The following NOP2 variants were observed in gnomAD, a reference collection of about 807,000 sequenced individuals.
The protein encoded by NOP2 is 28S rRNA (cytosine(4447)-C(5))-methyltransferase.
NOP2 carries 7 observed loss-of-function variants against 72.7 expected under a neutral mutation model. The observed-to-expected ratio is 0.10, with a 90% CI of 0.05 to 0.18. The LOEUF is 0.18. Among genes scored for constraint, NOP2 ranks in the 10% least tolerant of loss-of-function variants. The pLI is 1.00. For synonymous variants in NOP2, 387 were observed against 388.0 expected, an observed-to-expected ratio of 1.00 and a Z score of 0.03; for missense variants, 954 against 1,014.7, an observed-to-expected ratio of 0.94 and a Z score of 0.81.
In NOP2 at chr12:6,566,782, T is replaced by C. The variant is rs1947789623; in HGVS notation, c.144A>G (p.Arg48=). Residue 48 remains arginine (R), a synonymous_variant, in exon 3 of 16, where the codon CGA becomes CGG. Transcript: ENST00000322166. ...ENSKRLSSRA[R]KRAAKRRLGS... is the part of the protein sequence containing the mutation. ...GTTTTGACACCCACACTTACCTCTTTCGAGCACGACTAGACAGCCTCTTGG... is the reference window on the plus strand; with the variant it reads ...GTTTTGACACCCACACTTACCTCTTCCGAGCACGACTAGACAGCCTCTTGG... 1.2e-6 allele frequency: 2 copies of C among 1,613,342 alleles called. No homozygotes were observed. Among genetic ancestry groups the C allele is most frequent in the Non-Finnish European group, 1.7e-6 (2 of 1,179,644 alleles).
chr12:6,564,004 G>A (rs1947715399), intron 5 of NOP2, 58 bp from the exon 6 acceptor site: 2 of 1,581,154 alleles, frequency 1.3e-6, no homozygotes, highest in Non-Finnish European at 1.7e-6. Flanking sequence ...CCTTGTAGCA[G>A]TTCTATCTCT....
chr12:6,568,150 C>A (rs1372192133), intron 1 of NOP2, 57 bp downstream of exon 1: 1 of 563,240 alleles, frequency 1.8e-6, no homozygotes, highest in African/African-American at 1.9e-5. Flanking sequence ...CTTCTCCCCA[C>A]GTCCCAGACC....
In NOP2 at chr12:6,563,161, A is replaced by C; in HGVS notation, c.898T>G (p.Phe300Val). 6.3e-7 allele frequency: 1 copy of C among 1,591,450 alleles called. No individual in the cohort carries two copies. Among genetic ancestry groups the C allele is most frequent in the Non-Finnish European group, 8.6e-7 (1 of 1,169,276 alleles). The change falls in exon 9 of 16, where the codon TTC (phenylalanine) becomes GTC (valine). Residue 300 changes from phenylalanine to valine, a missense_variant. Transcript: ENST00000322166. ...DLFPLSELVE[F>V]LEANEVPRPV... ...CGAGGCACCTCATTAGCTTCTAAGAACTCCACCAGCTGCGGGGCAAGACAG... is the reference window on the plus strand; with the variant it reads ...CGAGGCACCTCATTAGCTTCTAAGACCTCCACCAGCTGCGGGGCAAGACAG...
intron 5 of NOP2, chr12:6,564,275 C>CAAAAA: frequency 8.1e-5 from 6 of 74,224 alleles, no homozygotes; most frequent in Middle Eastern, 9.6e-3. Flanking sequence ...GACTTCATCT[C>CAAAAA]AAAAAAAAAA....
rs756797523 is a variant in NOP2 at position 6,563,099 on chromosome 12, T to C, written c.960A>G (p.Arg320=). Residue 320 remains arginine (R), a synonymous_variant, in exon 9 of 16, where the codon CGA becomes CGG. Coordinates refer to ENST00000322166, the MANE Select transcript of NOP2 (RefSeq NM_001258308.2). ...VTLRTNTLKT[R]RRDLAQALIN... is the part of the protein sequence containing the mutation. The stretch of plus-strand genomic sequence containing the variant: ...CCCTCACCTGTGCAAGGTCTCGGCG[T>C]CGGGTTTTCAAGGTATTGGTCCGGA... 6.3e-6 allele frequency: 10 copies of C among 1,591,618 alleles called. No homozygotes were observed. The highest frequency in any genetic ancestry group is 8.6e-6 in the Non-Finnish European group (10 of 1,169,260).
In NOP2 at chr12:6,561,978, A is replaced by C. The variant is rs1947663803; in HGVS notation, c.979-7T>G. On this transcript the variant is annotated splice_polypyrimidine_tract_variant and splice_region_variant and intron_variant, in intron 9 of 15. Transcript: ENST00000322166. ...CCCCACGATTGATTAGAGCCTGAAA[A>C]GGGATGAAGATTTTTTTTTTTTTTT... 6.4e-7 allele frequency: 1 copy of C among 1,571,244 alleles called. No homozygotes were observed. The highest frequency in any genetic ancestry group is 8.7e-7 in the Non-Finnish European group (1 of 1,149,520).
intron 3 of NOP2, 79 bp from the exon 4 acceptor site, chr12:6,566,696 TG>T (rs1303842036): frequency 3.8e-6 from 6 of 1,591,890 alleles, no homozygotes; most frequent in Non-Finnish European, 3.4e-6. Context: ...CATAGGGAAA[TG>T]TGAGAGTCTA....
At chr12:6,565,065 A>G (rs779942155) in intron 5 of NOP2, among the ~76,000 whole-genome samples, 1 of 152,172 alleles carries the variant, frequency 6.6e-6, no homozygotes, top group African/African-American at 2.4e-5. Flanking sequence ...TAATTGTATA[A>G]TAACTTCCTG....
intron 15 of NOP2, among the ~76,000 whole-genome samples, chr12:6,559,680 T>C (rs1215189211): frequency 6.6e-6 from 1 of 152,200 alleles, no homozygotes; most frequent in Non-Finnish European, 1.5e-5. Flanking sequence ...GAAAACAATC[T>C]GCAATGAGTG....
At position 6,567,831 on chromosome 12, in the gene NOP2, T is replaced by C; in HGVS notation, c.88A>G (p.Arg30Gly). The part of the protein sequence containing the change: ...KQKGAETELV[R>G]FLPAVSDENS... ...TAATCCTTACCTGCAGGCAAGAATC[T>C]GACGAGTTCTGTCTCGGCACCCTTC... is the stretch of plus-strand genomic sequence containing the variant. The change falls in exon 2 of 16, where the codon AGA becomes GGA. Residue 30 changes from arginine (R) to glycine (G), a missense_variant. Arg to Gly is a moderately radical substitution (Grantham distance 125). Coordinates refer to ENST00000322166, the MANE Select transcript of NOP2 (RefSeq NM_001258308.2). The C allele has an allele frequency of 6.2e-7, 1 of 1,613,962 alleles. No individual in the cohort carries two copies. The highest frequency in any genetic ancestry group is 2.2e-5 in the East Asian group (1 of 44,880).
At position 6,561,086 on chromosome 12, in the gene NOP2, T is replaced by TA. The variant is rs773251999; in HGVS notation, c.1208-17dup. On this transcript the variant is annotated splice_polypyrimidine_tract_variant and intron_variant, in intron 11 of 15. Coordinates refer to ENST00000322166, the MANE Select transcript of NOP2 (RefSeq NM_001258308.2). ...ATCAGCTGGGCTAAAGAGAGGGCAG[T>TA]AACAGTGCTGATCAGCCAGTTCCAC... 1.2e-6 allele frequency: 2 copies of TA among 1,613,570 alleles called. No individual in the cohort carries two copies. Among genetic ancestry groups the TA allele is most frequent in the Non-Finnish European group, 8.5e-7 (1 of 1,179,604 alleles).
rs1947708888 is a variant in NOP2 at position 6,563,752 on chromosome 12, C to G, written c.550G>C (p.Glu184Gln). The G allele has an allele frequency of 6.2e-7, 1 of 1,613,226 alleles. No homozygotes were observed. The highest frequency in any genetic ancestry group is 1.3e-5 in the African/African-American group (1 of 75,004). ...TTCTCTTCCTCCTCGTCCTCGGTCT[C>G]CTCTTCACTCCACTGGATCCTAGAA... ...AAAGIQWSEE[E>Q]TEDEEEEKEV... is the part of the protein sequence containing the mutation. Residue 184 changes from glutamate to glutamine, a missense_variant, in exon 7 of 16, where the codon GAG (glutamate) becomes CAG (glutamine). By Grantham distance (29) the Glu-to-Gln change is conservative. Transcript: ENST00000322166.
chr12:6,560,902 C>T lies in NOP2; in HGVS notation c.1347+29G>A. 1 of 1,613,206 alleles carries T rather than the reference C, an allele frequency of 6.2e-7. No individual in the cohort carries two copies. Among genetic ancestry groups the T allele is most frequent in the Non-Finnish European group, 8.5e-7 (1 of 1,179,412 alleles). ...AAGGGAGAAGGTCAACCGGAAGAAG[C>T]CTCAGAAGACACACAGCTCGAGTCT... On this transcript the variant is annotated intron_variant, in intron 12 of 15. Coordinates refer to ENST00000322166, the MANE Select transcript of NOP2 (RefSeq NM_001258308.2). The surrounding 1 kb of genome is among the most constrained non-coding windows in gnomAD (Gnocchi z 5.0).
intron 8 of NOP2, 65 bp downstream of exon 8, chr12:6,563,250 C>T: frequency 6.5e-7 from 1 of 1,547,452 alleles, no homozygotes; most frequent in Non-Finnish European, 8.7e-7. Flanking sequence ...GGCCGAACAT[C>T]TTCCTTACAC....
chr12:6,561,852 G>A (rs758241352), intron 10 of NOP2, 32 bp downstream of exon 10: 15 of 1,609,614 alleles, frequency 9.3e-6, no homozygotes, highest in African/African-American at 2.7e-5. Context: ...CAGGGACAGA[G>A]GTAGAAGGGC....
At chr12:6,566,456 G>A in intron 4 of NOP2, 73 bp downstream of exon 4, 1 of 1,529,792 alleles carries the variant, frequency 6.5e-7, no homozygotes, top group Non-Finnish European at 9.0e-7. Context: ...CTCCGGAAAT[G>A]TTTAGCGAGT....
chr12:6,558,253 T>C (rs538231684), intron 15 of NOP2: 6 of 286,474 alleles, frequency 2.1e-5, no homozygotes, highest in Non-Finnish European at 4.0e-5. Context: ...AAGGAAGAGG[T>C]GATTCTCAGG....
At chr12:6,564,258 A>AGC in intron 5 of NOP2, 1 of 246,948 alleles carries the variant, frequency 4.0e-6, no homozygotes, top group South Asian at 4.5e-5. Flanking sequence ...CCTGGGCAAC[A>AGC]GAGAAAGACT....
In NOP2 at chr12:6,563,025, G is replaced by A. The variant is rs115536918; in HGVS notation, c.978+56C>T. On this transcript the variant is annotated intron_variant, in intron 9 of 15. Coordinates refer to ENST00000322166, the MANE Select transcript of NOP2 (RefSeq NM_001258308.2). The stretch of plus-strand genomic sequence containing the variant: ...AGGGTAGCACAGAGGAATCTCTGGA[G>A]TTGGCAGAAGTCACTTCCCTTCTGA... 2.6e-3 allele frequency: 3,799 copies of A among 1,486,388 alleles called. 71 individuals carry two copies. In the African/African-American group the frequency reaches 0.042, roughly 16 times the overall value. 92.1% of individuals were successfully genotyped at this position (1,486,388 alleles called of 1,614,324 possible).
Sources: allele counts gnomAD v4.1 joint callset (sites outside exome capture counted in the v4.1 genomes callset), GRCh38; gene constraint gnomAD v4.1.1; non-coding constraint Gnocchi (gnomAD v3.1); transcripts MANE v1.5; gene names NCBI Gene and HGNC (gene_info 2026-07-23, HGNC 2026-07-21).